The following LENG8 variants were observed in gnomAD, a reference collection of about 807,000 sequenced individuals.
The protein encoded by LENG8 is leukocyte receptor cluster member 8, also known as leukocyte receptor cluster (LRC) member 8.
LENG8 carries 28 observed loss-of-function variants against 102.1 expected under a neutral mutation model. The ratio of observed to expected loss-of-function variants is 0.27; its 90% confidence interval spans 0.20 to 0.38. The LOEUF is 0.38. LENG8 is among the 10% of genes least tolerant of loss of function. The pLI is 1.00. For missense variants in LENG8, 1,022 were observed against 1,113.9 expected (o/e 0.92, Z 1.17); for synonymous variants, 531 against 456.7 (o/e 1.16, Z -2.07).
chr19:54,456,678 G>A lies in LENG8; in HGVS notation c.1488G>A (p.Ala496=), dbSNP rs369638873. 15 of 1,612,964 alleles carry A rather than the reference G, an allele frequency of 9.3e-6. No individual in the cohort carries two copies. In the African/African-American group the frequency reaches 1.5e-4, roughly 16 times the overall value. ...CCAAGCGCAGTCGAAAGAAGATGGC[G>A]GCGCTGGAGTGTGAGGACCCGGAGC... ...APTKRSRKKM[A]ALECEDPERE... is the part of the protein sequence containing the mutation. Residue 496 remains alanine (A), a synonymous_variant, in exon 11 of 16, where the codon GCG becomes GCA. Coordinates refer to ENST00000326764, the MANE Select transcript of LENG8 (RefSeq NM_052925.4).
At chr19:54,451,774 A>G (rs2083973292) in intron 2 of LENG8, among the ~76,000 whole-genome samples, 1 of 152,166 alleles carries the variant, frequency 6.6e-6, no homozygotes, top group Non-Finnish European at 1.5e-5. Context: ...TCATTGATTC[A>G]TGAAAGACAT....
Position 54,455,098 on chromosome 19 carries a change from G to A in LENG8, c.821+6G>A. ...GAGAAAGTTCAGAACCACAGGTGAC[G>A]TCTGCCCCCTTGCCCCGTCGCAGCC... is the stretch of plus-strand genomic sequence containing the variant. On this transcript the variant is annotated splice_donor_region_variant and intron_variant, in intron 7 of 15. Transcript: ENST00000326764. 3 of 1,614,122 alleles carry A rather than the reference G, an allele frequency of 1.9e-6. No homozygotes were observed. Among genetic ancestry groups the A allele is most frequent in the African/African-American group, 1.3e-5 (1 of 75,044 alleles).
chr19:54,457,726 G>A (rs748071288), intron 11 of LENG8, 21 bp from the exon 12 acceptor site: 26 of 1,570,548 alleles, frequency 1.7e-5, no homozygotes, highest in Non-Finnish European at 2.3e-5. Context: ...CTCCGAGTGT[G>A]AATTCAGTTC....
chr19:54,460,525 C>T (rs942697979), intron 15 of LENG8: 30 of 1,395,806 alleles, frequency 2.1e-5, no homozygotes, highest in Non-Finnish European at 2.6e-5. Flanking sequence ...GTCCCCGCTC[C>T]TCCCTGGCCC....
At chr19:54,459,759 C>G in intron 15 of LENG8, 2 of 1,062,716 alleles carry the variant, frequency 1.9e-6, no homozygotes, top group Non-Finnish European at 2.3e-6. Flanking sequence ...AGAGGCTGAG[C>G]CAGGGTAGGA....
intron 2 of LENG8, among the ~76,000 whole-genome samples, chr19:54,451,705 C>T (rs993676195): frequency 6.6e-6 from 1 of 152,176 alleles, no homozygotes; most frequent in African/African-American, 2.4e-5. Context: ...TCTGCTGATT[C>T]CTTATTTTTT....
intron 10 of LENG8, 78 bp downstream of exon 10, chr19:54,456,543 G>A (rs1780808633): frequency 2.0e-6 from 3 of 1,536,464 alleles, no homozygotes; most frequent in Admixed American, 4.0e-5. Flanking sequence ...GGAGGAGGAG[G>A]GCCGGACAGG....
chr19:54,460,503 C>A (rs1600014645), intron 15 of LENG8: 2 of 1,371,266 alleles, frequency 1.5e-6, no homozygotes. Flanking sequence ...CCCGCTGGGC[C>A]CTTCCCTGCC....
At chr19:54,453,286 T>G (rs990391450) in intron 4 of LENG8, among the ~76,000 whole-genome samples, 2 of 152,246 alleles carry the variant, frequency 1.3e-5, no homozygotes, top group Non-Finnish European at 2.9e-5. Flanking sequence ...TGGGTTTTCC[T>G]TTTGTTCTGT....
Position 54,456,483 on chromosome 19 carries a change from C to T in LENG8, c.1445+18C>T. 6.3e-7 allele frequency: 1 copy of T among 1,593,120 alleles called. No homozygotes were observed. The highest frequency in any genetic ancestry group is 8.5e-7 in the Non-Finnish European group (1 of 1,172,798). On this transcript the variant is annotated intron_variant, in intron 10 of 15. Coordinates refer to ENST00000326764, the MANE Select transcript of LENG8 (RefSeq NM_052925.4). ...GGGAAGAGGTGAGACTGTGTGAGGG[C>T]TCGACACACGGGCCAGGGTGGAGGA...
rs2084466781 is a variant in LENG8, at chr19:54,460,344, CT to C, written c.2241-421del. 91 of 1,206,516 alleles carry C rather than the reference CT, an allele frequency of 7.5e-5. 3 individuals carry two copies. In the South Asian group the frequency reaches 1.4e-3, roughly 18 times the overall value. 74.7% of individuals were successfully genotyped at this position (1,206,516 alleles called of 1,614,324 possible). ...TAGTGGTGAGTGCTAGCTGGCACCC[CT>C]GCGCCTGGCTTCCCAGACACTGTAA... On this transcript the variant is annotated intron_variant, in intron 15 of 15. Coordinates refer to ENST00000326764, the MANE Select transcript of LENG8 (RefSeq NM_052925.4).
At chr19:54,450,769 T>C (rs1448913613) in intron 1 of LENG8, among the ~76,000 whole-genome samples, 1 of 152,042 alleles carries the variant, frequency 6.6e-6, no homozygotes, top group African/African-American at 2.4e-5. Context: ...TACAGGCATA[T>C]GCCACCATGC....
chr19:54,456,622 T>A lies in LENG8; in HGVS notation c.1446-14T>A, dbSNP rs1482754606. ...AGACGCCTGTCGCGCTCACTGCCCC[T>A]CATCCCTTCCTAGGCACGATCTGGC... On this transcript the variant is annotated splice_polypyrimidine_tract_variant and intron_variant, in intron 10 of 15. Transcript: ENST00000326764. 1 of 1,600,926 alleles carries A rather than the reference T, an allele frequency of 6.2e-7. No individual in the cohort carries two copies. The highest frequency in any genetic ancestry group is 1.7e-4 in the Middle Eastern group (1 of 6,000).
intron 10 of LENG8, 26 bp downstream of exon 10, chr19:54,456,491 A>G: frequency 6.3e-7 from 1 of 1,587,300 alleles, no homozygotes; most frequent in Non-Finnish European, 8.5e-7. Flanking sequence ...GGCTCGACAC[A>G]CGGGCCAGGG....
intron 11 of LENG8, among the ~76,000 whole-genome samples, chr19:54,457,192 C>T (rs2084295941): frequency 6.6e-6 from 1 of 152,246 alleles, no homozygotes; most frequent in Non-Finnish European, 1.5e-5. Flanking sequence ...AGCATAAAGC[C>T]TTCTCCCAGG....
intron 15 of LENG8, 47 bp from the exon 16 acceptor site, chr19:54,460,719 G>GGCCAAC: frequency 1.3e-6 from 1 of 778,916 alleles, no homozygotes; most frequent in Non-Finnish European, 1.8e-6. Context: ...GCCCTCCCCT[G>GGCCAAC]CCCTCCCGCC....
At position 54,461,920 on chromosome 19, in the gene LENG8, C is replaced by G; in HGVS notation, c.*992C>G. ...TCCTCCTCTGCCTCCCCTTCCCCTCCTCTCCCCTCCTTTTCCTTCCTTCCT... is the reference window on the plus strand; with the variant it reads ...TCCTCCTCTGCCTCCCCTTCCCCTCGTCTCCCCTCCTTTTCCTTCCTTCCT... On this transcript the variant is annotated 3_prime_UTR_variant, in exon 16 of 16. Coordinates refer to ENST00000326764, the MANE Select transcript of LENG8 (RefSeq NM_052925.4). 1 of 910,998 alleles carries G rather than the reference C, an allele frequency of 1.1e-6. No homozygotes were observed. Among genetic ancestry groups the G allele is most frequent in the South Asian group, 1.3e-5 (1 of 75,648 alleles). The allele number at this position is 910,998 out of a possible 1,614,324, so 56.4% of individuals were successfully genotyped here.
chr19:54,461,477 C>T lies in LENG8; in HGVS notation c.*549C>T, dbSNP rs763745681. On this transcript the variant is annotated 3_prime_UTR_variant, in exon 16 of 16. Coordinates refer to ENST00000326764, the MANE Select transcript of LENG8 (RefSeq NM_052925.4). ...TAGAGACTGTGCCCGTCCTCGGCCC[C>T]CCACCCTGAAGTGCCAGCACCACCA... 2.2e-6 allele frequency: 1 copy of T among 464,132 alleles called. No individual in the cohort carries two copies. Among genetic ancestry groups the T allele is most frequent in the Admixed American group, 2.4e-5 (1 of 42,316 alleles). 28.8% of individuals were successfully genotyped at this position (464,132 alleles called of 1,614,324 possible).
At chr19:54,454,736 C>T in intron 6 of LENG8, 54 bp downstream of exon 6, 1 of 1,523,412 alleles carries the variant, frequency 6.6e-7, no homozygotes, top group Non-Finnish European at 8.8e-7. Flanking sequence ...CATAAGAGCT[C>T]CTGGGTGTGA....
Sources: gnomAD v4.1 joint callset for allele counts (sites outside exome capture counted in the v4.1 genomes callset) on GRCh38, gnomAD v4.1.1 for gene constraint, MANE v1.5 for transcripts, NCBI Gene and HGNC (gene_info 2026-07-23, HGNC 2026-07-21) for gene names.